Variants in EPHA6 observed in about 807,000 individuals in gnomAD.
EPHA6 encodes the protein EPH receptor A6.
Under a neutral mutation model 112.0 loss-of-function variants are expected in EPHA6, and 50 were observed. The observed-to-expected ratio is 0.45, with a 90% CI of 0.36 to 0.56. EPHA6 has a LOEUF of 0.56. EPHA6 is among the 20% of genes least tolerant of loss of function. The pLI is 0.00. For missense variants in EPHA6, 1,280 were observed against 1,417.4 expected, an observed-to-expected ratio of 0.90 and a Z score of 1.56; for synonymous variants, 529 against 490.7, an observed-to-expected ratio of 1.08 and a Z score of -1.03.
intron 3 of EPHA6, among the ~76,000 whole-genome samples, chr3:97,225,785 A>C (rs944816431): frequency 6.6e-6 from 1 of 152,200 alleles, no homozygotes; most frequent in African/African-American, 2.4e-5. Context: ...CCACTAAGAA[A>C]GGTGTCAAAG....
intron 11 of EPHA6, among the ~76,000 whole-genome samples, chr3:97,544,083 T>A (rs568953713): frequency 3.3e-5 from 5 of 152,286 alleles, no homozygotes; most frequent in African/African-American, 9.6e-5. Context: ...TACCCTTTAT[T>A]TCCTTCTCCT....
intron 5 of EPHA6, among the ~76,000 whole-genome samples, chr3:97,315,544 C>T (rs953491223): frequency 6.6e-6 from 1 of 151,476 alleles, no homozygotes; most frequent in African/African-American, 2.4e-5. Context: ...GAAGTAGAAT[C>T]AAATAATTTG....
chr3:96,941,418 C>T (rs531862461), intron 2 of EPHA6, among the ~76,000 whole-genome samples: 52 of 152,300 alleles, frequency 3.4e-4, no homozygotes, highest in African/African-American at 1.2e-3. Context: ...GCATTCTTCA[C>T]GTAGTTCTCG....
At chr3:96,941,560 G>C (rs1051367147) in intron 2 of EPHA6, among the ~76,000 whole-genome samples, 2 of 152,122 alleles carry the variant, frequency 1.3e-5, no homozygotes, top group Non-Finnish European at 2.9e-5. Flanking sequence ...CCTGTAGCTC[G>C]GAGTAGTTTG....
At chr3:97,130,600 C>A (rs1361766982) in intron 3 of EPHA6, among the ~76,000 whole-genome samples, 1 of 152,110 alleles carries the variant, frequency 6.6e-6, no homozygotes, top group East Asian at 1.9e-4. Flanking sequence ...TACAAAATTT[C>A]CACTTATACA....
chr3:97,093,192 A>G (rs1175423741), intron 3 of EPHA6, among the ~76,000 whole-genome samples: 1 of 152,176 alleles, frequency 6.6e-6, no homozygotes, highest in Non-Finnish European at 1.5e-5. Context: ...ATATCTAGCC[A>G]TCTTATCAAG....
At chr3:97,026,876 G>C (rs1007615925) in intron 3 of EPHA6, among the ~76,000 whole-genome samples, 3 of 152,160 alleles carry the variant, frequency 2.0e-5, no homozygotes, top group Non-Finnish European at 4.4e-5. Context: ...GGAAGACACT[G>C]TGGTGATTCT....
intron 8 of EPHA6, among the ~76,000 whole-genome samples, chr3:97,475,958 G>A (rs1019560446): frequency 2.0e-5 from 3 of 151,886 alleles, no homozygotes; most frequent in Non-Finnish European, 4.4e-5. Flanking sequence ...ATTTAACATA[G>A]CAAAAGACCT....
chr3:97,142,704 C>A (rs1287762842), intron 3 of EPHA6, among the ~76,000 whole-genome samples: 2 of 151,708 alleles, frequency 1.3e-5, no homozygotes, highest in Admixed American at 1.3e-4. Context: ...AGCCCCAGAC[C>A]AAATGGATTC....
intron 7 of EPHA6, chr3:97,466,257 A>G (rs984259443): frequency 9.1e-7 from 1 of 1,096,192 alleles, no homozygotes; most frequent in Non-Finnish European, 1.4e-6. Context: ...AAATCAAAAG[A>G]TGACAGTAAG....
At position 97,223,647 on chromosome 3, in the gene EPHA6, C is replaced by T. The variant is rs866266176; in HGVS notation, c.1115-2617C>T. Among the ~76,000 whole-genome samples the T allele has an allele frequency of 8.1e-4, 124 of 152,218 alleles. 1 individual carries two copies. Among genetic ancestry groups the T allele is most frequent in the African/African-American group, 2.9e-3 (120 of 41,552 alleles). On this transcript the variant is annotated intron_variant, in intron 3 of 17. Coordinates refer to ENST00000389672, the MANE Select transcript of EPHA6 (RefSeq NM_001080448.3). ...CGAGGAAGAGAAAGCCAATGGAAGGCTCTAAGTCCAGTCATAATACAGTCT... is the reference window on the plus strand; with the variant it reads ...CGAGGAAGAGAAAGCCAATGGAAGGTTCTAAGTCCAGTCATAATACAGTCT...
intron 3 of EPHA6, among the ~76,000 whole-genome samples, chr3:97,095,766 T>TA (rs59473424): frequency 0.024 from 3,386 of 143,358 alleles, 89 homozygotes; most frequent in African/African-American, 0.073. Flanking sequence ...TGTTAAAAAA[T>TA]AAAAAAAAAA....
At position 97,651,140 on chromosome 3, in the gene EPHA6, A is replaced by T. The variant is rs377733293; in HGVS notation, c.2784+13058A>T. Among the ~76,000 whole-genome samples the T allele has an allele frequency of 2.5e-4, 38 of 152,244 alleles. No individual in the cohort carries two copies. In the East Asian group the frequency reaches 7.0e-3, roughly 28 times the overall value. On this transcript the variant is annotated intron_variant, in intron 14 of 17. Coordinates refer to ENST00000389672, the MANE Select transcript of EPHA6 (RefSeq NM_001080448.3). Reference sequence around the variant, plus strand: ...TTTATTAATTGCTGATAATAAAACCAATAGGAAATAAGTAGAAAGAAAGTG... The same window carrying T: ...TTTATTAATTGCTGATAATAAAACCTATAGGAAATAAGTAGAAAGAAAGTG...
chr3:97,156,955 G>T (rs1333411042), intron 3 of EPHA6, among the ~76,000 whole-genome samples: 2 of 151,916 alleles, frequency 1.3e-5, no homozygotes, highest in Non-Finnish European at 1.5e-5. Context: ...CAACTATGTG[G>T]TTATTATTTA....
At chr3:97,208,499 A>C (rs2077774092) in intron 3 of EPHA6, among the ~76,000 whole-genome samples, 1 of 152,168 alleles carries the variant, frequency 6.6e-6, no homozygotes, top group Admixed American at 6.5e-5. Context: ...TAATCCTAGC[A>C]CTTTGGAAGG....
At chr3:97,240,508 G>A (rs1225436366) in intron 4 of EPHA6, among the ~76,000 whole-genome samples, 1 of 151,778 alleles carries the variant, frequency 6.6e-6, no homozygotes, top group East Asian at 1.9e-4. Context: ...ATTTTAAAAA[G>A]TACCTCTGCA....
intron 2 of EPHA6, among the ~76,000 whole-genome samples, chr3:96,892,965 T>TGTGTGTGTGTGTGTGTTC (rs1283711701): frequency 1.5e-5 from 2 of 132,014 alleles, no homozygotes; most frequent in African/African-American, 2.9e-5. Flanking sequence ...TGTGTGTGTG[T>TGTGTGTGTGTGTGTGTTC]GTGTGTGTGT....
At chr3:97,589,827 G>C (rs986245841) in intron 11 of EPHA6, among the ~76,000 whole-genome samples, 1 of 152,164 alleles carries the variant, frequency 6.6e-6, no homozygotes, top group Admixed American at 6.5e-5. Context: ...CAAAATATTC[G>C]TGGAAGCAGA....
intron 11 of EPHA6, among the ~76,000 whole-genome samples, chr3:97,550,470 A>G (rs1453547266): frequency 2.6e-5 from 4 of 152,158 alleles, no homozygotes; most frequent in Admixed American, 6.5e-5. Context: ...CTTCGTCCAA[A>G]CACCAAATCT....
Sources: gnomAD v4.1 joint callset for allele counts (sites outside exome capture counted in the v4.1 genomes callset) on GRCh38, gnomAD v4.1.1 for gene constraint, MANE v1.5 for transcripts, NCBI Gene and HGNC (gene_info 2026-07-23, HGNC 2026-07-21) for gene names.